Variants in ZCWPW2 observed in about 807,000 individuals in gnomAD.
The protein encoded by ZCWPW2 is zinc finger CW-type and PWWP domain containing 2, also known as zinc finger CW-type PWWP domain protein 2.
Under a neutral mutation model 46.6 loss-of-function variants are expected in ZCWPW2, and 45 were observed. The ratio of observed to expected loss-of-function variants is 0.96; its 90% CI spans 0.76 to 1.24. The LOEUF (loss-of-function observed/expected upper bound fraction) is 1.24. ZCWPW2 is among the 50% of genes most tolerant of loss of function. The pLI, the probability that ZCWPW2 is intolerant of heterozygous loss-of-function variation, is 0.00. For synonymous variants in ZCWPW2, 152 were observed against 137.1 expected, an observed-to-expected ratio of 1.11 and a Z score of -0.76; for missense variants, 429 against 403.9, an observed-to-expected ratio of 1.06 and a Z score of -0.53.
intron 4 of ZCWPW2, among the ~76,000 whole-genome samples, chr3:28,474,331 A>G (rs1343195315): frequency 2.0e-5 from 3 of 152,220 alleles, no homozygotes; most frequent in African/African-American, 4.8e-5. Context: ...TTTAAAATAT[A>G]CATACATTAA....
At chr3:28,403,812 A>G (rs1696044597) in intron 2 of ZCWPW2, among the ~76,000 whole-genome samples, 1 of 152,234 alleles carries the variant, frequency 6.6e-6, no homozygotes, top group Non-Finnish European at 1.5e-5. Flanking sequence ...TCTTTTCAAC[A>G]AATGGTGCTG....
chr3:28,371,162 G>T (rs954757595), intron 1 of ZCWPW2, among the ~76,000 whole-genome samples: 11 of 152,102 alleles, frequency 7.2e-5, no homozygotes, highest in South Asian at 2.1e-4. Flanking sequence ...AGTAAATCAT[G>T]TAAAATATTC....
chr3:28,440,250 G>A (rs1483516783), intron 4 of ZCWPW2, among the ~76,000 whole-genome samples: 1 of 152,192 alleles, frequency 6.6e-6, no homozygotes, highest in African/African-American at 2.4e-5. Context: ...TGACTTAAAG[G>A]TAGGAGAAGC....
chr3:28,429,006 C>T (rs1697136185), intron 3 of ZCWPW2, among the ~76,000 whole-genome samples: 1 of 152,112 alleles, frequency 6.6e-6, no homozygotes, highest in African/African-American at 2.4e-5. Context: ...AAATTGGTAC[C>T]ACACAGAGTG....
At chr3:28,360,163 T>G (rs1704885016) in intron 1 of ZCWPW2, among the ~76,000 whole-genome samples, 1 of 151,686 alleles carries the variant, frequency 6.6e-6, no homozygotes, top group African/African-American at 2.4e-5. Flanking sequence ...TATAGTAAGA[T>G]GAAACAAAGC....
At chr3:28,384,073 T>C (rs1695191345) in intron 1 of ZCWPW2, among the ~76,000 whole-genome samples, 1 of 152,198 alleles carries the variant, frequency 6.6e-6, no homozygotes, top group Non-Finnish European at 1.5e-5. Flanking sequence ...CTAGCCATTA[T>C]CATTTTCCTC....
chr3:28,472,108 A>T (rs1272174731), intron 4 of ZCWPW2, among the ~76,000 whole-genome samples: 1 of 152,214 alleles, frequency 6.6e-6, no homozygotes, highest in Non-Finnish European at 1.5e-5. Flanking sequence ...TTTCATGTTT[A>T]TGGATTGTAA....
chr3:28,433,777 CAAAAAACA>C (rs1559502508), intron 3 of ZCWPW2, among the ~76,000 whole-genome samples: 2 of 148,596 alleles, frequency 1.3e-5, no homozygotes, highest in African/African-American at 4.9e-5. Context: ...AAACAAAAAA[CAAAAAACA>C]AAAAAAACTT....
intron 3 of ZCWPW2, among the ~76,000 whole-genome samples, chr3:28,417,639 C>G (rs1374616251): frequency 7.3e-6 from 1 of 136,786 alleles, no homozygotes; most frequent in Non-Finnish European, 1.6e-5. Context: ...AAACCGAATC[C>G]AGCAGCACAT....
At chr3:28,389,884 T>C (rs1194701623) in intron 1 of ZCWPW2, among the ~76,000 whole-genome samples, 2 of 152,176 alleles carry the variant, frequency 1.3e-5, no homozygotes, top group Non-Finnish European at 2.9e-5. Flanking sequence ...TCAGTGTTTT[T>C]GTAATTAAGG....
At chr3:28,390,079 C>T (rs771812786) in intron 1 of ZCWPW2, among the ~76,000 whole-genome samples, 11 of 152,182 alleles carry the variant, frequency 7.2e-5, no homozygotes, top group Non-Finnish European at 1.5e-4. Flanking sequence ...CCTTTTTTGA[C>T]ATCCTCCATT....
intron 3 of ZCWPW2, among the ~76,000 whole-genome samples, chr3:28,417,616 A>G (rs1424853499): frequency 2.7e-5 from 4 of 146,352 alleles, no homozygotes; most frequent in Non-Finnish European, 6.0e-5. Context: ...GAAATCCTCA[A>G]TAAAATACTG....
intron 6 of ZCWPW2, among the ~76,000 whole-genome samples, chr3:28,500,956 G>T (rs1700126154): frequency 6.6e-6 from 1 of 151,990 alleles, no homozygotes; most frequent in Non-Finnish European, 1.5e-5. Context: ...CTACTTTGTG[G>T]GCATCATTCA....
intron 8 of ZCWPW2, among the ~76,000 whole-genome samples, chr3:28,519,161 G>T (rs1261854271): frequency 2.0e-5 from 3 of 152,114 alleles, no homozygotes; most frequent in African/African-American, 7.2e-5. Context: ...TACAGGCTTT[G>T]CTTGTTTGTT....
chr3:28,515,496 T>C (rs1045137074), intron 7 of ZCWPW2, 58 bp from the exon 8 acceptor site: 1 of 1,270,164 alleles, frequency 7.9e-7, no homozygotes, highest in Non-Finnish European at 1.1e-6. Flanking sequence ...GCACAAATGG[T>C]CATTTAAATA....
At chr3:28,453,200 T>A (rs1287854694) in intron 4 of ZCWPW2, among the ~76,000 whole-genome samples, 1 of 152,224 alleles carries the variant, frequency 6.6e-6, no homozygotes, top group Non-Finnish European at 1.5e-5. Context: ...TCTTTGCAAC[T>A]GAATGAAACC....
Position 28,524,696 on chromosome 3 carries a change from T to C in ZCWPW2, c.*8T>C, listed in dbSNP as rs1353770139. On this transcript the variant is annotated 3_prime_UTR_variant, in exon 10 of 10. Transcript: ENST00000383768. ...TTGATGTCTGAGTTTTAGAACATTATACATTTTTCAAATTAATTATAAAAA... is the reference window on the plus strand; with the variant it reads ...TTGATGTCTGAGTTTTAGAACATTACACATTTTTCAAATTAATTATAAAAA... 6.8e-7 allele frequency: 1 copy of C among 1,471,674 alleles called. No homozygotes were observed. Among genetic ancestry groups the C allele is most frequent in the African/African-American group, 1.5e-5 (1 of 68,916 alleles). 91.2% of individuals were successfully genotyped at this position (1,471,674 alleles called of 1,614,324 possible).
At chr3:28,515,729 G>GTCCACAGAATGTAGT in intron 8 of ZCWPW2, 108 bp downstream of exon 8, 1 of 788,688 alleles carries the variant, frequency 1.3e-6, no homozygotes, top group African/African-American at 1.8e-5. Context: ...GTGTGTGTGT[G>GTCCACAGAATGTAGT]TGTGTGTGTG....
intron 4 of ZCWPW2, among the ~76,000 whole-genome samples, chr3:28,455,548 A>G (rs1698390677): frequency 6.7e-6 from 1 of 149,776 alleles, no homozygotes; most frequent in Non-Finnish European, 1.5e-5. Flanking sequence ...TTGTCATGAA[A>G]TCTTTGCCCA....
Sources: gnomAD v4.1 joint callset for allele counts (sites outside exome capture counted in the v4.1 genomes callset) on GRCh38, gnomAD v4.1.1 for gene constraint, MANE v1.5 for transcripts, NCBI Gene and HGNC (gene_info 2026-07-23, HGNC 2026-07-21) for gene names.